NELL2: variants seen among roughly 807,000 people sequenced by gnomAD.
The protein encoded by NELL2 is protein kinase C-binding protein NELL2.
A neutral mutation model predicts 109.6 loss-of-function variants in NELL2; 41 were observed. The ratio of observed to expected loss-of-function variants is 0.37; its 90% CI spans 0.29 to 0.49. The LOEUF (loss-of-function observed/expected upper bound fraction) is 0.49. Among genes scored for constraint, NELL2 ranks in the 20% least tolerant of loss-of-function variants. The pLI, the probability that NELL2 is intolerant of heterozygous loss-of-function variation, is 0.98. For synonymous variants in NELL2, 355 were observed against 344.7 expected (o/e 1.03, Z -0.33); for missense variants, 900 against 1,008.3 (o/e 0.89, Z 1.45).
At chr12:44,645,704 A>G (rs1947070932) in intron 13 of NELL2, among the ~76,000 whole-genome samples, 1 of 152,190 alleles carries the variant, frequency 6.6e-6, no homozygotes, top group South Asian at 2.1e-4. Context: ...AATACCTTTT[A>G]ATATTTTTAA....
At chr12:44,674,567 T>C (rs1566135245) in intron 12 of NELL2, among the ~76,000 whole-genome samples, 1 of 152,120 alleles carries the variant, frequency 6.6e-6, no homozygotes. Flanking sequence ...ATAATGGAAA[T>C]ACAATTATGG....
chr12:44,589,170 T>C (rs989145770), intron 15 of NELL2, among the ~76,000 whole-genome samples: 2 of 152,186 alleles, frequency 1.3e-5, no homozygotes, highest in African/African-American at 4.8e-5. Flanking sequence ...GCTCACACTT[T>C]TGACTATGAT....
intron 13 of NELL2, among the ~76,000 whole-genome samples, chr12:44,658,441 A>G (rs531130738): frequency 1.9e-4 from 29 of 152,302 alleles, no homozygotes; most frequent in Non-Finnish European, 3.8e-4. Flanking sequence ...AGGAAATAAG[A>G]GGACACAACA....
At chr12:44,800,965 A>G (rs1942808359) in intron 3 of NELL2, among the ~76,000 whole-genome samples, 1 of 152,146 alleles carries the variant, frequency 6.6e-6, no homozygotes, top group South Asian at 2.1e-4. Flanking sequence ...AGTATAAATA[A>G]GAGCCAAGGA....
upstream of NELL2, among the ~76,000 whole-genome samples, chr12:44,878,402 G>T (rs1319049433): frequency 6.6e-6 from 1 of 152,190 alleles, no homozygotes; most frequent in African/African-American, 2.4e-5. Flanking sequence ...TAGTAAAGGT[G>T]AGCCATTGTA....
intron 3 of NELL2, among the ~76,000 whole-genome samples, chr12:44,815,431 A>T (rs1943311088): frequency 6.6e-6 from 1 of 152,264 alleles, no homozygotes; most frequent in South Asian, 2.1e-4. Flanking sequence ...CAAATTAAGA[A>T]GTATGTTTGG....
intron 13 of NELL2, among the ~76,000 whole-genome samples, chr12:44,641,987 G>A (rs1040768979): frequency 7.2e-5 from 11 of 152,098 alleles, no homozygotes; most frequent in East Asian, 1.9e-4. Context: ...ATAAGCCAGC[G>A]CGCCCGGCCC....
intron 15 of NELL2, among the ~76,000 whole-genome samples, chr12:44,538,728 G>A (rs1942404404): frequency 6.6e-6 from 1 of 152,122 alleles, no homozygotes; most frequent in Admixed American, 6.5e-5. Context: ...CAAGGATAAA[G>A]AAGCATGTTT....
At chr12:44,919,524 G>C (rs1945853758) in intron 1 of NELL2, among the ~76,000 whole-genome samples, 1 of 152,110 alleles carries the variant, frequency 6.6e-6, no homozygotes, top group African/African-American at 2.4e-5. Flanking sequence ...GGTCATCAGG[G>C]TGAGCCCTAA....
At chr12:44,874,113 C>G (rs1227030859) in intron 2 of NELL2, among the ~76,000 whole-genome samples, 1 of 152,170 alleles carries the variant, frequency 6.6e-6, no homozygotes, top group East Asian at 1.9e-4. Context: ...TATCAGGCAA[C>G]AACACCACTA....
chr12:44,778,828 G>A (rs1216215800), intron 5 of NELL2, among the ~76,000 whole-genome samples: 2 of 152,164 alleles, frequency 1.3e-5, no homozygotes, highest in African/African-American at 4.8e-5. Flanking sequence ...CAAGTATCTG[G>A]TTTCCTGGTA....
intron 2 of NELL2, among the ~76,000 whole-genome samples, chr12:44,863,502 T>C (rs1489891472): frequency 4.0e-5 from 5 of 123,746 alleles, no homozygotes; most frequent in African/African-American, 1.2e-4. Context: ...CTGGGTGATA[T>C]TAAAATTGTA....
intron 3 of NELL2, among the ~76,000 whole-genome samples, chr12:44,781,075 A>T (rs1009659625): frequency 6.6e-6 from 1 of 152,140 alleles, no homozygotes; most frequent in Non-Finnish European, 1.5e-5. Context: ...TCAAGACTAA[A>T]ATGATAAGGA....
intron 1 of NELL2, among the ~76,000 whole-genome samples, chr12:44,895,760 C>T (rs1310132202): frequency 6.6e-6 from 1 of 152,056 alleles, no homozygotes; most frequent in Non-Finnish European, 1.5e-5. Flanking sequence ...ACTACCACCA[C>T]CCCAGGGCAC....
chr12:44,811,561 G>T (rs950044626), intron 3 of NELL2, among the ~76,000 whole-genome samples: 1 of 151,924 alleles, frequency 6.6e-6, no homozygotes, highest in Non-Finnish European at 1.5e-5. Flanking sequence ...CGAGCAGATA[G>T]GTCACTGTGC....
intron 18 of NELL2, 33 bp from the exon 19 acceptor site, chr12:44,520,262 G>A (rs1327295738): frequency 1.9e-6 from 3 of 1,553,378 alleles, no homozygotes; most frequent in Non-Finnish European, 2.6e-6. Flanking sequence ...AGGGCAGAGG[G>A]AGAGGGAGGA....
chr12:44,665,176 G>A (rs1255880325), intron 13 of NELL2, among the ~76,000 whole-genome samples: 1 of 151,892 alleles, frequency 6.6e-6, no homozygotes, highest in African/African-American at 2.4e-5. Flanking sequence ...ATCATTTAGG[G>A]ACTGTTTCTC....
At chr12:44,649,478 G>A (rs1023923127) in intron 13 of NELL2, among the ~76,000 whole-genome samples, 3 of 152,222 alleles carry the variant, frequency 2.0e-5, no homozygotes, top group Admixed American at 2.0e-4. Context: ...GAGTGAGTAA[G>A]TGGAAGGCAA....
At chr12:44,673,596 CAA>C (rs938520388) in intron 12 of NELL2, among the ~76,000 whole-genome samples, 8 of 152,148 alleles carry the variant, frequency 5.3e-5, no homozygotes, top group Non-Finnish European at 8.8e-5. Flanking sequence ...GAGAATTAAA[CAA>C]AGAGTGCCCC....
Sources: gnomAD v4.1 joint callset for allele counts (sites outside exome capture counted in the v4.1 genomes callset) on GRCh38, gnomAD v4.1.1 for gene constraint, MANE v1.5 for transcripts, NCBI Gene and HGNC (gene_info 2026-07-23, HGNC 2026-07-21) for gene names.